SGMS1: variants seen among roughly 807,000 people sequenced by gnomAD.
SGMS1 encodes the protein phosphatidylcholine:ceramide cholinephosphotransferase 1.
In SGMS1, 13 loss-of-function variants were observed where a neutral mutation model predicts 46.2. The observed-to-expected ratio is 0.28, with a 90% confidence interval of 0.18 to 0.45. The LOEUF is 0.45. Among genes scored for constraint, SGMS1 ranks in the 20% least tolerant of loss-of-function variants. The pLI, the probability that SGMS1 is intolerant of heterozygous loss-of-function variation, is 1.00. For missense variants in SGMS1, 324 were observed against 519.9 expected, an observed-to-expected ratio of 0.62 and a Z score of 3.66; for synonymous variants, 203 against 187.8, an observed-to-expected ratio of 1.08 and a Z score of -0.66.
At chr10:50,580,090 T>C (rs902229326) in intron 2 of SGMS1, among the ~76,000 whole-genome samples, 3 of 152,202 alleles carry the variant, frequency 2.0e-5, no homozygotes, top group African/African-American at 7.2e-5. Flanking sequence ...AATTTGTGTG[T>C]GTGCAGAAAA....
chr10:50,489,704 G>C (rs917838997), intron 3 of SGMS1, among the ~76,000 whole-genome samples: 1 of 152,016 alleles, frequency 6.6e-6, no homozygotes, highest in Non-Finnish European at 1.5e-5. Context: ...GGCTGGGCAC[G>C]GTGGCTCACG....
chr10:50,332,420 T>C (rs1342295900), intron 7 of SGMS1, among the ~76,000 whole-genome samples: 3 of 151,988 alleles, frequency 2.0e-5, no homozygotes, highest in Admixed American at 6.6e-5. Context: ...TATTTTAATT[T>C]CTTTACAGCC....
At chr10:50,354,526 C>A (rs1170406444) in intron 6 of SGMS1, among the ~76,000 whole-genome samples, 1 of 152,180 alleles carries the variant, frequency 6.6e-6, no homozygotes, top group Non-Finnish European at 1.5e-5. Flanking sequence ...AGGACACAGG[C>A]ATGGGCAAGA....
chr10:50,602,283 A>C (rs1838656247), intron 1 of SGMS1, among the ~76,000 whole-genome samples: 2 of 151,964 alleles, frequency 1.3e-5, no homozygotes, highest in African/African-American at 4.8e-5. Context: ...ATAACCAGCC[A>C]CTCTGTGGCT....
At chr10:50,350,823 C>T (rs1010838391) in intron 6 of SGMS1, among the ~76,000 whole-genome samples, 12 of 152,160 alleles carry the variant, frequency 7.9e-5, no homozygotes, top group Non-Finnish European at 1.0e-4. Flanking sequence ...TGCAGGGGCC[C>T]GGCCCTCATG....
intron 3 of SGMS1, among the ~76,000 whole-genome samples, chr10:50,516,925 C>T (rs1248169924): frequency 6.6e-6 from 1 of 152,118 alleles, no homozygotes; most frequent in African/African-American, 2.4e-5. Context: ...GAGCAAAGAA[C>T]ACTCAGGATT....
chr10:50,484,618 C>T (rs895204501), intron 3 of SGMS1, among the ~76,000 whole-genome samples: 2 of 152,184 alleles, frequency 1.3e-5, no homozygotes, highest in Non-Finnish European at 2.9e-5. Context: ...GGCCAATATC[C>T]TTGATGAACA....
intron 1 of SGMS1, among the ~76,000 whole-genome samples, chr10:50,612,188 G>GCCA (rs1247102141): frequency 3.3e-5 from 5 of 152,198 alleles, no homozygotes; most frequent in Non-Finnish European, 7.3e-5. Context: ...TCTTCCACCT[G>GCCA]CCAAGCTTAG....
intron 6 of SGMS1, among the ~76,000 whole-genome samples, chr10:50,420,770 TA>T (rs1849244700): frequency 1.3e-5 from 2 of 152,304 alleles, no homozygotes; most frequent in South Asian, 4.2e-4. Flanking sequence ...CACTGCAGTC[TA>T]AAAAATACAA....
At chr10:50,486,547 A>G (rs1837522750) in intron 3 of SGMS1, among the ~76,000 whole-genome samples, 1 of 152,254 alleles carries the variant, frequency 6.6e-6, no homozygotes, top group South Asian at 2.1e-4. Context: ...TATGCAGCCA[A>G]CAAACATGAA....
chr10:50,553,334 G>T (rs193137217), intron 2 of SGMS1, among the ~76,000 whole-genome samples: 53 of 152,216 alleles, frequency 3.5e-4, no homozygotes, highest in African/African-American at 1.2e-3. Flanking sequence ...TAGCCTCTTT[G>T]TTACTCAGCT....
intron 6 of SGMS1, among the ~76,000 whole-genome samples, chr10:50,429,698 C>T (rs1849377439): frequency 4.2e-4 from 1 of 2,394 alleles, no homozygotes; most frequent in African/African-American, 1.3e-3. Flanking sequence ...TACACATACA[C>T]ACACACACAC....
chr10:50,480,469 A>G (rs1241480290), intron 3 of SGMS1, among the ~76,000 whole-genome samples: 1 of 152,066 alleles, frequency 6.6e-6, no homozygotes, highest in Non-Finnish European at 1.5e-5. Flanking sequence ...CTGACTAGGT[A>G]GTTGGTGTAC....
chr10:50,483,573 A>C (rs1046871591), intron 3 of SGMS1, among the ~76,000 whole-genome samples: 1 of 152,180 alleles, frequency 6.6e-6, no homozygotes, highest in Non-Finnish European at 1.5e-5. Flanking sequence ...CTCCTCCCCA[A>C]AACAAAAGAA....
At chr10:50,340,779 T>G (rs888261341) in intron 7 of SGMS1, 1 of 152,468 alleles carries the variant, frequency 6.6e-6, no homozygotes, top group Admixed American at 6.5e-5. Context: ...GGTTAAAGGG[T>G]TTATTGCTGG....
In SGMS1 at chr10:50,570,005, G is replaced by A. The variant is rs376881596; in HGVS notation, c.-589+20148C>T. On this transcript the variant is annotated intron_variant, in intron 2 of 10. Coordinates refer to ENST00000361781, the MANE Select transcript of SGMS1 (RefSeq NM_147156.4). ...TTCAAGGCCGCCTGCTGACCTTCTAGGAATTTATGGTTACATTTCTTAAAA... is the reference window on the plus strand; with the variant it reads ...TTCAAGGCCGCCTGCTGACCTTCTAAGAATTTATGGTTACATTTCTTAAAA... 1.7e-4 allele frequency among the ~76,000 whole-genome samples: 26 copies of A among 152,196 alleles called. 1 individual carries two copies. The South Asian group carries it at 4.3e-3, about 25-fold the overall frequency.
At chr10:50,353,531 G>A (rs1848064495) in intron 6 of SGMS1, among the ~76,000 whole-genome samples, 1 of 152,306 alleles carries the variant, frequency 6.6e-6, no homozygotes, top group Admixed American at 6.5e-5. Context: ...ACTGGCACAA[G>A]ACAGGGATGT....
rs147830491 is a variant in SGMS1, at chr10:50,521,228, T to C, written c.-588-1307A>G. ...TTACAGAAGAGTTGTAGAATAATAA[T>C]AGTACAAAAGTATCCAGGTACTTTT... On this transcript the variant is annotated intron_variant, in intron 2 of 10. Transcript: ENST00000361781. 1.5e-4 allele frequency among the ~76,000 whole-genome samples: 23 copies of C among 152,316 alleles called. No homozygotes were observed. The East Asian group carries it at 4.4e-3, about 29-fold the overall frequency.
At chr10:50,542,188 T>C (rs1188443828) in intron 2 of SGMS1, among the ~76,000 whole-genome samples, 4 of 152,186 alleles carry the variant, frequency 2.6e-5, no homozygotes. Flanking sequence ...ACTCCCACTT[T>C]TCGTTCTTCA....
Sources: allele counts gnomAD v4.1 joint callset (sites outside exome capture counted in the v4.1 genomes callset), GRCh38; gene constraint gnomAD v4.1.1; transcripts MANE v1.5; gene names NCBI Gene and HGNC (gene_info 2026-07-23, HGNC 2026-07-21).